Variants in ADAMTS18 observed in about 807,000 individuals in gnomAD.
ADAMTS18 encodes ADAM metallopeptidase with thrombospondin type 1 motif 18.
A neutral mutation model predicts 165.9 loss-of-function variants in ADAMTS18; 157 were observed. The ratio of observed to expected loss-of-function variants is 0.95; its 90% confidence interval spans 0.83 to 1.08. ADAMTS18 has a LOEUF of 1.08. Ranked by LOEUF, ADAMTS18 falls within the 50% of genes least tolerant of loss-of-function variation. ADAMTS18 has a pLI of 0.00. For synonymous variants in ADAMTS18, 782 were observed against 578.2 expected, an observed-to-expected ratio of 1.35 and a Z score of -5.06; for missense variants, 2,040 against 1,534.0, an observed-to-expected ratio of 1.33 and a Z score of -5.51.
At chr16:77,428,656 CT>C (rs376146397) in intron 3 of ADAMTS18, among the ~76,000 whole-genome samples, 34 of 152,240 alleles carry the variant, frequency 2.2e-4, no homozygotes, top group East Asian at 5.8e-4. Flanking sequence ...TTGAGTACCC[CT>C]AATCCAAAAA....
intron 4 of ADAMTS18, among the ~76,000 whole-genome samples, chr16:77,365,231 CAATTTTGTGGGGAGA>C (rs1285127271): frequency 6.6e-6 from 1 of 152,022 alleles, no homozygotes; most frequent in East Asian, 1.9e-4. Flanking sequence ...CAACAAAAAT[CAATTTTGTGGGGAGA>C]AATTTTGAAA....
intron 3 of ADAMTS18, among the ~76,000 whole-genome samples, chr16:77,401,082 C>G (rs1039548871): frequency 1.2e-4 from 18 of 151,972 alleles, no homozygotes; most frequent in African/African-American, 4.3e-4. Flanking sequence ...ATGGAGAAAC[C>G]ACGTCTCTAC....
rs1282203661 is a variant in ADAMTS18 at position 77,293,236 on chromosome 16, C to T, written c.3029G>A (p.Gly1010Glu). The T allele has an allele frequency of 3.1e-6, 5 of 1,613,884 alleles. No individual in the cohort carries two copies. Among genetic ancestry groups the T allele is most frequent in the Admixed American group, 1.7e-5 (1 of 59,992 alleles). The change falls in exon 20 of 23, where the codon GGG becomes GAG. Residue 1010 changes from glycine (G) to glutamate (E), a missense_variant. Transcript: ENST00000282849. Reference protein sequence around the residue: ...WSQCSKTCGRGVRKRELLCKG... With the variant: ...WSQCSKTCGREVRKRELLCKG... ...GCAGAGGAGTTCACGCTTCCTCACC[C>T]CTCGTCCACAGGTCTTGGAACACTT...
rs779950176 is a variant in ADAMTS18, at chr16:77,341,802, GAAAT to G, written c.1615-7_1615-4del. ...CACCAAAGTGATTTGCAAATATCCT[GAAAT>G]AAAAAAAAAGGGGGGTGCTGTTAAT... On this transcript the variant is annotated splice_region_variant and splice_polypyrimidine_tract_variant and intron_variant, in intron 10 of 22. Coordinates refer to ENST00000282849, the MANE Select transcript of ADAMTS18 (RefSeq NM_199355.4). 1 of 1,598,254 alleles carries G rather than the reference GAAAT, an allele frequency of 6.3e-7. No homozygotes were observed. The highest frequency in any genetic ancestry group is 1.4e-5 in the African/African-American group (1 of 72,586).
intron 3 of ADAMTS18, among the ~76,000 whole-genome samples, chr16:77,375,890 C>CTTTTTTTTTTTT (rs200629744): frequency 2.7e-4 from 25 of 93,892 alleles, no homozygotes; most frequent in South Asian, 4.4e-4. Flanking sequence ...TCTTTCTTTC[C>CTTTTTTTTTTTT]TTTTTTTTTT....
intron 8 of ADAMTS18, 120 bp from the exon 9 acceptor site, chr16:77,356,197 A>C (rs1213517843): frequency 1.5e-6 from 2 of 1,361,142 alleles, no homozygotes; most frequent in Non-Finnish European, 2.1e-6. Context: ...CAGAGTTATT[A>C]AAACTGGAAA....
intron 5 of ADAMTS18, 135 bp downstream of exon 5, chr16:77,364,053 G>T: frequency 7.8e-7 from 1 of 1,288,988 alleles, no homozygotes; most frequent in Non-Finnish European, 1.1e-6. Flanking sequence ...CACATATGTA[G>T]CTATTAAAAG....
At chr16:77,378,335 AAAAAC>A (rs1401671962) in intron 3 of ADAMTS18, among the ~76,000 whole-genome samples, 44 of 60,874 alleles carry the variant, frequency 7.2e-4, no homozygotes, top group African/African-American at 2.4e-3. Flanking sequence ...AAACAAAAAC[AAAAAC>A]AAAAAAAAAC....
At position 77,293,155 on chromosome 16, in the gene ADAMTS18, G is replaced by T. The variant is rs1248957315; in HGVS notation, c.3110C>A (p.Pro1037His). The T allele has an allele frequency of 6.2e-7, 1 of 1,613,980 alleles. No homozygotes were observed. Among genetic ancestry groups the T allele is most frequent in the Admixed American group, 1.7e-5 (1 of 60,006 alleles). ...AAGCACACAGCCCTCCTGCAGCTCA[G>T]GTCTGGGGAGACTGGTACACTGGCT... ...PESQCTSLPR[P>H]ELQEGCVLGR... Residue 1037 changes from proline to histidine, a missense_variant, in exon 20 of 23, where the codon CCT (proline) becomes CAT (histidine). By Grantham distance (77) the Pro-to-His change is moderately conservative. Transcript: ENST00000282849.
intron 7 of ADAMTS18, among the ~76,000 whole-genome samples, 156 bp downstream of exon 7, chr16:77,361,949 A>G (rs2056721065): frequency 6.6e-6 from 1 of 152,244 alleles, no homozygotes; most frequent in Non-Finnish European, 1.5e-5. Context: ...TCAGTTAAAA[A>G]GAACAATAGT....
intron 10 of ADAMTS18, among the ~76,000 whole-genome samples, chr16:77,349,057 GGTATGTTA>G (rs1476867597): frequency 6.6e-6 from 1 of 152,112 alleles, no homozygotes; most frequent in Non-Finnish European, 1.5e-5. Flanking sequence ...CAGTAAACTT[GGTATGTTA>G]CAAAGTAATA....
intron 1 of ADAMTS18, 27 bp from the exon 2 acceptor site, chr16:77,434,532 G>C (rs373287979): frequency 1.9e-6 from 3 of 1,540,952 alleles, no homozygotes; most frequent in Non-Finnish European, 2.6e-6. Flanking sequence ...GACATCGCGC[G>C]TGAGGGGCGC....
chr16:77,313,945 C>A (rs77029908), intron 16 of ADAMTS18, among the ~76,000 whole-genome samples: 58 of 152,206 alleles, frequency 3.8e-4, no homozygotes, highest in African/African-American at 1.3e-3. Flanking sequence ...AATTTCTATG[C>A]CTTAGGTTTA....
chr16:77,396,101 G>A (rs955168496), intron 3 of ADAMTS18, among the ~76,000 whole-genome samples: 1 of 152,108 alleles, frequency 6.6e-6, no homozygotes, highest in African/African-American at 2.4e-5. Flanking sequence ...CAACTCTTTT[G>A]GGAAAGCCAG....
At chr16:77,293,026 A>G (rs781020268) in intron 20 of ADAMTS18, 50 bp downstream of exon 20, 2 of 1,609,164 alleles carry the variant, frequency 1.2e-6, no homozygotes, top group Non-Finnish European at 1.7e-6. Flanking sequence ...TCACTGTGTT[A>G]GCCAGGATGG....
intron 3 of ADAMTS18, among the ~76,000 whole-genome samples, chr16:77,427,122 T>C (rs2057683424): frequency 6.6e-6 from 1 of 152,194 alleles, no homozygotes; most frequent in Admixed American, 6.6e-5. Flanking sequence ...ATCAGAATCA[T>C]CTGGAGAATT....
intron 16 of ADAMTS18, among the ~76,000 whole-genome samples, chr16:77,318,991 A>T (rs2063207598): frequency 6.6e-6 from 1 of 152,204 alleles, no homozygotes; most frequent in Admixed American, 6.5e-5. Flanking sequence ...ACTAAAGAAA[A>T]TGTTTCTATG....
At chr16:77,410,592 G>T (rs542982550) in intron 3 of ADAMTS18, among the ~76,000 whole-genome samples, 2 of 152,200 alleles carry the variant, frequency 1.3e-5, no homozygotes, top group African/African-American at 4.8e-5. Context: ...ATTTGCACAA[G>T]AACACAATAT....
chr16:77,390,556 G>A (rs1162328590), intron 3 of ADAMTS18, among the ~76,000 whole-genome samples: 1 of 152,128 alleles, frequency 6.6e-6, no homozygotes, highest in East Asian at 1.9e-4. Context: ...CGGGCATGGT[G>A]GCGTGTGCCT....
Sources: allele counts gnomAD v4.1 joint callset (sites outside exome capture counted in the v4.1 genomes callset), GRCh38; gene constraint gnomAD v4.1.1; transcripts MANE v1.5; gene names NCBI Gene and HGNC (gene_info 2026-07-23, HGNC 2026-07-21).